The following GRIA1 variants were observed in gnomAD, a reference collection of about 807,000 sequenced individuals.
The protein encoded by GRIA1 is glutamate ionotropic receptor AMPA type subunit 1.
Under a neutral mutation model 99.2 loss-of-function variants are expected in GRIA1, and 31 were observed. The ratio of observed to expected loss-of-function variants is 0.31; its 90% CI spans 0.23 to 0.42. The LOEUF (loss-of-function observed/expected upper bound fraction) is 0.42, where lower values mean the gene tolerates loss of function less well. Ranked by LOEUF, GRIA1 falls within the 10% of genes least tolerant of loss-of-function variation. The probability of loss-of-function intolerance (pLI) is 1.00; values close to 1 mark genes in which losing one functional copy is unlikely to be tolerated. For synonymous variants in GRIA1, 438 were observed against 432.4 expected (o/e 1.01, Z -0.16); for missense variants, 782 against 1,157.5 (o/e 0.68, Z 4.71).
chr5:153,618,610 A>G (rs971719440), intron 2 of GRIA1, among the ~76,000 whole-genome samples: 1 of 152,192 alleles, frequency 6.6e-6, no homozygotes, highest in Non-Finnish European at 1.5e-5. Flanking sequence ...TGGGGACCGA[A>G]ACAAAGAAAT....
At chr5:153,706,108 TTTTG>T (rs140268951) in intron 11 of GRIA1, 41 bp downstream of exon 11, 145 of 1,348,858 alleles carry the variant, frequency 1.1e-4, no homozygotes, top group African/African-American at 3.5e-4. Context: ...AATGCTATGG[TTTTG>T]TTTGTTTGTT....
chr5:153,806,487 G>A (rs562131332), intron 15 of GRIA1, among the ~76,000 whole-genome samples: 8 of 152,212 alleles, frequency 5.3e-5, no homozygotes, highest in East Asian at 3.9e-4. Flanking sequence ...GGATGGTCTC[G>A]ATCTCCTGAC....
At chr5:153,642,982 G>C (rs1430771298) in intron 2 of GRIA1, among the ~76,000 whole-genome samples, 1 of 152,132 alleles carries the variant, frequency 6.6e-6, no homozygotes, top group Non-Finnish European at 1.5e-5. Flanking sequence ...AGGAAAGTGA[G>C]ATATGGGCTG....
chr5:153,619,413 AT>A (rs779100787), intron 2 of GRIA1, among the ~76,000 whole-genome samples: 2 of 152,284 alleles, frequency 1.3e-5, no homozygotes, highest in East Asian at 3.9e-4. Context: ...AGGTTAGGGC[AT>A]TTTCTCTGGG....
chr5:153,668,745 G>A (rs1036605156), intron 5 of GRIA1, among the ~76,000 whole-genome samples: 10 of 152,200 alleles, frequency 6.6e-5, no homozygotes, highest in African/African-American at 2.2e-4. Context: ...AAGACCCTTA[G>A]GAGGTTAGTG....
intron 14 of GRIA1, chr5:153,795,680 G>GACACTGTTCAACA: frequency 4.3e-5 from 30 of 701,954 alleles, no homozygotes; most frequent in Non-Finnish European, 5.8e-5. Context: ...AGGCTTGGAG[G>GACACTGTTCAACA]CCTTAGAGAG....
At chr5:153,691,361 C>T (rs1581477741) in intron 8 of GRIA1, among the ~76,000 whole-genome samples, 1 of 152,282 alleles carries the variant, frequency 6.6e-6, no homozygotes, top group East Asian at 1.9e-4. Context: ...CATCGAAGAA[C>T]TGGTATTGTT....
chr5:153,806,539 C>T (rs531143835), intron 15 of GRIA1, among the ~76,000 whole-genome samples: 2 of 152,352 alleles, frequency 1.3e-5, no homozygotes, highest in African/African-American at 2.4e-5. Flanking sequence ...GTTGGGACCA[C>T]AGGCATGAGC....
At chr5:153,534,902 TTTTTTG>T (rs1475215663) in intron 2 of GRIA1, among the ~76,000 whole-genome samples, 1 of 67,626 alleles carries the variant, frequency 1.5e-5, no homozygotes, top group Non-Finnish European at 2.8e-5. Context: ...GCACAGGCCT[TTTTTTG>T]TTTTGTTTTG....
intron 2 of GRIA1, among the ~76,000 whole-genome samples, chr5:153,593,373 C>A (rs1233798375): frequency 1.3e-5 from 2 of 152,136 alleles, no homozygotes; most frequent in Non-Finnish European, 2.9e-5. Flanking sequence ...GTGTAGGGGG[C>A]ACAAACATGG....
In GRIA1 at chr5:153,512,243, T is replaced by G. The variant is rs1756161433; in HGVS notation, c.220+18178T>G. Among the ~76,000 whole-genome samples the G allele has an allele frequency of 3.3e-5, 5 of 152,116 alleles. No individual in the cohort carries two copies. The South Asian group carries it at 1.0e-3, about 32-fold the overall frequency. ...AACCAAATCTATTTATTACAGAAATTATAAAGAGATTTGGTGACTGACCCC... is the reference window on the plus strand; with the variant it reads ...AACCAAATCTATTTATTACAGAAATGATAAAGAGATTTGGTGACTGACCCC... On this transcript the variant is annotated intron_variant, in intron 2 of 15. Coordinates refer to ENST00000285900, the MANE Select transcript of GRIA1 (RefSeq NM_000827.4).
At chr5:153,516,036 C>T (rs970510064) in intron 2 of GRIA1, among the ~76,000 whole-genome samples, 3 of 151,966 alleles carry the variant, frequency 2.0e-5, no homozygotes, top group South Asian at 4.2e-4. Context: ...CTGGCTAACA[C>T]GGTGAAACCC....
intron 2 of GRIA1, among the ~76,000 whole-genome samples, chr5:153,560,570 T>C (rs1169167395): frequency 6.6e-6 from 1 of 152,200 alleles, no homozygotes; most frequent in Non-Finnish European, 1.5e-5. Flanking sequence ...TAAAGGGCAG[T>C]TCCCCTGCAC....
At chr5:153,651,906 C>T (rs1754602765) in intron 4 of GRIA1, among the ~76,000 whole-genome samples, 1 of 152,152 alleles carries the variant, frequency 6.6e-6, no homozygotes, top group Non-Finnish European at 1.5e-5. Context: ...CAAATCCCAG[C>T]TCTAGTATTT....
chr5:153,520,244 C>A (rs1265116818), intron 2 of GRIA1, among the ~76,000 whole-genome samples: 1 of 152,190 alleles, frequency 6.6e-6, no homozygotes, highest in African/African-American at 2.4e-5. Context: ...ATTCATTCAA[C>A]TTTTATTTAG....
At chr5:153,694,154 A>C (rs958768859) in intron 8 of GRIA1, among the ~76,000 whole-genome samples, 10 of 152,352 alleles carry the variant, frequency 6.6e-5, no homozygotes, top group African/African-American at 2.2e-4. Flanking sequence ...TCCCAATTTA[A>C]CAATAGTGCT....
At chr5:153,522,793 T>G (rs1323097104) in intron 2 of GRIA1, among the ~76,000 whole-genome samples, 1 of 152,176 alleles carries the variant, frequency 6.6e-6, no homozygotes, top group Non-Finnish European at 1.5e-5. Context: ...GGTAGAAAAG[T>G]GAAATCTTAC....
At chr5:153,667,619 C>T (rs556263383) in intron 5 of GRIA1, among the ~76,000 whole-genome samples, 3 of 152,202 alleles carry the variant, frequency 2.0e-5, no homozygotes, top group African/African-American at 7.2e-5. Context: ...TCTTTTAAAC[C>T]GTTCACCAAT....
chr5:153,697,492 T>A (rs1205609121), intron 8 of GRIA1, among the ~76,000 whole-genome samples: 1 of 152,194 alleles, frequency 6.6e-6, no homozygotes, highest in Non-Finnish European at 1.5e-5. Flanking sequence ...TCCTATATAT[T>A]CAATATTGTA....
Sources: gnomAD v4.1 joint callset for allele counts (sites outside exome capture counted in the v4.1 genomes callset) on GRCh38, gnomAD v4.1.1 for gene constraint, MANE v1.5 for transcripts, NCBI Gene and HGNC (gene_info 2026-07-23, HGNC 2026-07-21) for gene names.